Variants in GPR158 observed in about 807,000 individuals in gnomAD.
The protein encoded by GPR158 is metabotropic glycine receptor.
Under a neutral mutation model 78.2 loss-of-function variants are expected in GPR158, and 30 were observed. That is an observed-to-expected ratio of 0.38 (90% CI 0.29 to 0.52). GPR158 has a LOEUF of 0.52. GPR158 is among the 20% of genes least tolerant of loss of function. GPR158 has a pLI of 0.83. For missense variants in GPR158, 1,463 were observed against 1,523.5 expected (o/e 0.96, Z 0.66); for synonymous variants, 581 against 591.1 (o/e 0.98, Z 0.25).
intron 2 of GPR158, among the ~76,000 whole-genome samples, chr10:25,246,812 G>A (rs1019256164): frequency 3.3e-5 from 5 of 152,192 alleles, no homozygotes; most frequent in African/African-American, 1.2e-4. Context: ...ATTTTTGGAT[G>A]TGGCACTAAC....
chr10:25,206,461 A>T (rs1177124337), intron 1 of GPR158, among the ~76,000 whole-genome samples: 1 of 152,168 alleles, frequency 6.6e-6, no homozygotes, highest in Admixed American at 6.5e-5. Context: ...ACTTTTTTCT[A>T]TTATAAAAAT....
chr10:25,179,763 A>G (rs934561904), intron 1 of GPR158, among the ~76,000 whole-genome samples: 1 of 152,182 alleles, frequency 6.6e-6, no homozygotes, highest in Non-Finnish European at 1.5e-5. Context: ...CTTTTGTTAC[A>G]TATCTATGGT....
intron 2 of GPR158, among the ~76,000 whole-genome samples, chr10:25,221,641 G>A (rs2130683589): frequency 6.6e-6 from 1 of 152,272 alleles, no homozygotes; most frequent in South Asian, 2.1e-4. Flanking sequence ...TTGTGTATAT[G>A]TGTGTGTATT....
At chr10:25,416,606 G>GA (rs1009238817) in intron 4 of GPR158, among the ~76,000 whole-genome samples, 2 of 76,206 alleles carry the variant, frequency 2.6e-5, no homozygotes, top group East Asian at 2.2e-4. Flanking sequence ...ATAATAGTTA[G>GA]AAAAAAAAGT....
Position 25,416,288 on chromosome 10 carries a change from A to G in GPR158, c.1335+3815A>G, listed in dbSNP as rs150414564. On this transcript the variant is annotated intron_variant, in intron 4 of 10. Transcript: ENST00000376351. Reference sequence around the variant, plus strand: ...TGTGCCTCTTTGAAGTAGGTACCCAAGCTCCATTAAGTATTCATTCATAGG... The same window carrying G: ...TGTGCCTCTTTGAAGTAGGTACCCAGGCTCCATTAAGTATTCATTCATAGG... 5.4e-3 allele frequency among the ~76,000 whole-genome samples: 827 copies of G among 152,280 alleles called. 11 individuals are homozygous for G. Among genetic ancestry groups the G allele is most frequent in the African/African-American group, 0.019 (799 of 41,562 alleles).
At chr10:25,520,688 G>A (rs887147463) in intron 5 of GPR158, among the ~76,000 whole-genome samples, 4 of 151,930 alleles carry the variant, frequency 2.6e-5, no homozygotes, top group Non-Finnish European at 5.9e-5. Flanking sequence ...GGCTGCTCGG[G>A]GGTCAGGGGT....
intron 6 of GPR158, among the ~76,000 whole-genome samples, chr10:25,555,594 T>C (rs1043260488): frequency 1.3e-5 from 2 of 152,162 alleles, no homozygotes. Context: ...TAGCCAGATA[T>C]ATTTTCAGGA....
intron 6 of GPR158, among the ~76,000 whole-genome samples, chr10:25,562,193 T>C (rs995804334): frequency 2.0e-5 from 3 of 152,148 alleles, no homozygotes; most frequent in African/African-American, 7.2e-5. Flanking sequence ...GAGTCTTTTT[T>C]CTTGCTCAGT....
At position 25,192,637 on chromosome 10, in the gene GPR158, CATA is replaced by C. The variant is rs552339781; in HGVS notation, c.902+16318_902+16320del. Among the ~76,000 whole-genome samples the C allele has an allele frequency of 9.9e-5, 15 of 152,176 alleles. No homozygotes were observed. The South Asian group carries it at 3.1e-3, about 32-fold the overall frequency. On this transcript the variant is annotated intron_variant, in intron 1 of 10. Transcript: ENST00000376351. ...AATCTTATATATGTAAAGAGGCTAACATAATTTCTGAAATGTACTAAACTTTTT... is the reference window on the plus strand; with the variant it reads ...AATCTTATATATGTAAAGAGGCTAACATTTCTGAAATGTACTAAACTTTTT...
intron 2 of GPR158, among the ~76,000 whole-genome samples, chr10:25,314,285 G>C (rs1286738086): frequency 6.6e-6 from 1 of 152,024 alleles, no homozygotes; most frequent in Non-Finnish European, 1.5e-5. Flanking sequence ...ATTTTTAATA[G>C]AGACGGGGTT....
chr10:25,391,242 G>C (rs566944456), intron 2 of GPR158, among the ~76,000 whole-genome samples: 2 of 152,084 alleles, frequency 1.3e-5, no homozygotes, highest in East Asian at 3.9e-4. Context: ...CCAACACAGC[G>C]TCCCCACTGG....
intron 2 of GPR158, among the ~76,000 whole-genome samples, chr10:25,277,697 T>G (rs1377310666): frequency 6.6e-6 from 1 of 152,106 alleles, no homozygotes; most frequent in Non-Finnish European, 1.5e-5. Flanking sequence ...ACCTAAGGCT[T>G]GTCAGAAAGG....
chr10:25,454,358 C>T (rs1458934237), intron 4 of GPR158, among the ~76,000 whole-genome samples: 2 of 125,180 alleles, frequency 1.6e-5, no homozygotes, highest in African/African-American at 6.1e-5. Context: ...GATTAAATTA[C>T]TCTCAATTAC....
At chr10:25,392,965 C>T (rs1385114604) in intron 2 of GPR158, among the ~76,000 whole-genome samples, 7 of 152,050 alleles carry the variant, frequency 4.6e-5, no homozygotes, top group Admixed American at 4.6e-4. Flanking sequence ...TTTTAATTGA[C>T]AAAGTTTTTT....
intron 5 of GPR158, among the ~76,000 whole-genome samples, chr10:25,501,376 A>T (rs749996762): frequency 6.6e-6 from 1 of 152,206 alleles, no homozygotes; most frequent in Non-Finnish European, 1.5e-5. Flanking sequence ...TCCTCCCATG[A>T]TTTTCTATGA....
At chr10:25,419,281 C>T (rs1273108842) in intron 4 of GPR158, among the ~76,000 whole-genome samples, 2 of 152,094 alleles carry the variant, frequency 1.3e-5, no homozygotes, top group Non-Finnish European at 2.9e-5. Context: ...TTTTATTTAG[C>T]ATAATGTTTT....
chr10:25,218,017 T>G (rs1262309014), intron 1 of GPR158, among the ~76,000 whole-genome samples: 2 of 152,124 alleles, frequency 1.3e-5, no homozygotes, highest in Non-Finnish European at 2.9e-5. Flanking sequence ...GATGGGGCTC[T>G]CACCTTGCCT....
At position 25,572,889 on chromosome 10, in the gene GPR158, T is replaced by TC; in HGVS notation, c.1753+2_1753+3insC. 2 of 1,513,464 alleles carry TC rather than the reference T, an allele frequency of 1.3e-6. No individual in the cohort carries two copies. Among genetic ancestry groups the TC allele is most frequent in the Non-Finnish European group, 1.8e-6 (2 of 1,087,992 alleles). The allele number at this position is 1,513,464 out of a possible 1,614,324, so 93.8% of individuals were successfully genotyped here. ...GCTGGGACTACATGACAGCAGTTGG[T>TC]ATGTGGTCACTTGTTTCGTATGATG... On this transcript the variant is annotated splice_region_variant and intron_variant, in intron 7 of 10. Coordinates refer to ENST00000376351, the MANE Select transcript of GPR158 (RefSeq NM_020752.3).
At chr10:25,452,538 G>A (rs1223772972) in intron 4 of GPR158, among the ~76,000 whole-genome samples, 6 of 152,066 alleles carry the variant, frequency 3.9e-5, no homozygotes, top group Non-Finnish European at 8.8e-5. Context: ...CAGAAAAGCT[G>A]GACTTCCTTA....
Sources: gnomAD v4.1 joint callset for allele counts (sites outside exome capture counted in the v4.1 genomes callset) on GRCh38, gnomAD v4.1.1 for gene constraint, MANE v1.5 for transcripts, NCBI Gene and HGNC (gene_info 2026-07-23, HGNC 2026-07-21) for gene names.